Variants in WRNIP1 observed in about 807,000 individuals in gnomAD.
WRNIP1 encodes WRN helicase interacting protein 1, also known as ATPase WRNIP1.
A neutral mutation model predicts 56.1 loss-of-function variants in WRNIP1; 41 were observed. That is an observed-to-expected ratio of 0.73 (90% confidence interval 0.57 to 0.95). The LOEUF is 0.95. WRNIP1 is among the 40% of genes least tolerant of loss of function. The pLI, the probability that WRNIP1 is intolerant of heterozygous loss-of-function variation, is 0.00. For synonymous variants in WRNIP1, 547 were observed against 398.1 expected (o/e 1.37, Z -4.45); for missense variants, 1,170 against 939.4 (o/e 1.25, Z -3.21).
At chr6:2,769,324 A>G (rs1329648094) in intron 2 of WRNIP1, among the ~76,000 whole-genome samples, 2 of 152,164 alleles carry the variant, frequency 1.3e-5, no homozygotes, top group Admixed American at 1.3e-4. Flanking sequence ...GAATGTTGGA[A>G]GAGCTAATGA....
chr6:2,774,827 C>T (rs1765395544), intron 3 of WRNIP1, among the ~76,000 whole-genome samples: 1 of 152,216 alleles, frequency 6.6e-6, no homozygotes, highest in African/African-American at 2.4e-5. Flanking sequence ...GTTATGGAAG[C>T]GGCAGCATCT....
At chr6:2,775,566 T>C (rs963420603) in intron 3 of WRNIP1, among the ~76,000 whole-genome samples, 1 of 152,216 alleles carries the variant, frequency 6.6e-6, no homozygotes, top group African/African-American at 2.4e-5. Flanking sequence ...AACAGGTACA[T>C]TTTTACTTAC....
At chr6:2,777,447 A>G (rs190203689) in intron 3 of WRNIP1, among the ~76,000 whole-genome samples, 5 of 152,210 alleles carry the variant, frequency 3.3e-5, no homozygotes, top group East Asian at 1.9e-4. Flanking sequence ...TCTTCCCTCA[A>G]TTGTCCTGAA....
At position 2,766,356 on chromosome 6, in the gene WRNIP1, C is replaced by T. The variant is rs1359709967; in HGVS notation, c.734C>T (p.Ala245Val). The change falls in exon 1 of 7, where the codon GCC (alanine) becomes GTC (valine). Residue 245 changes from alanine to valine, a missense_variant. By Grantham distance (64) the Ala-to-Val change is moderately conservative. Coordinates refer to ENST00000380773, the MANE Select transcript of WRNIP1 (RefSeq NM_020135.3). The part of the protein sequence containing the change: ...TLQDYFGQSK[A>V]VGQDTLLRSL... ...CAGGATTACTTCGGGCAGAGCAAGG[C>T]CGTGGGCCAGGATACCCTGCTGCGC... The T allele has an allele frequency of 3.1e-6, 5 of 1,610,244 alleles. No homozygotes were observed. Among genetic ancestry groups the T allele is most frequent in the Non-Finnish European group, 3.4e-6 (4 of 1,178,846 alleles).
At chr6:2,780,352 G>A (rs1561915596) in intron 4 of WRNIP1, among the ~76,000 whole-genome samples, 1 of 152,220 alleles carries the variant, frequency 6.6e-6, no homozygotes, top group Non-Finnish European at 1.5e-5. Flanking sequence ...GAGAAGGGGT[G>A]GAGGGGCTTA....
chr6:2,784,389 A>T lies in WRNIP1; in HGVS notation c.1708A>T (p.Met570Leu). ...CTACCAAGGCTGTCATTTTATAGGC[A>T]TGCCTGAATGTGAGGTAAAGTAATC... The part of the protein sequence containing the change: ...AAYQGCHFIG[M>L]PECEVLLAQC... The change falls in exon 6 of 7, where the codon ATG becomes TTG. Residue 570 changes from methionine to leucine, a missense_variant. Physicochemically the swap from Met to Leu is conservative, Grantham distance 15. Transcript: ENST00000380773. 1 of 1,614,110 alleles carries T rather than the reference A, an allele frequency of 6.2e-7. No individual in the cohort carries two copies. Among genetic ancestry groups the T allele is most frequent in the Non-Finnish European group, 8.5e-7 (1 of 1,179,942 alleles).
intron 4 of WRNIP1, among the ~76,000 whole-genome samples, chr6:2,781,925 T>C (rs1269018373): frequency 6.6e-6 from 1 of 152,232 alleles, no homozygotes; most frequent in African/African-American, 2.4e-5. Context: ...GCCCATGAGC[T>C]TGGGGGTCCA....
chr6:2,765,706 C>G lies in WRNIP1; in HGVS notation c.84C>G (p.Pro28=), dbSNP rs953987824. The G allele has an allele frequency of 6.5e-7, 1 of 1,546,352 alleles. No homozygotes were observed. Among genetic ancestry groups the G allele is most frequent in the Admixed American group, 1.8e-5 (1 of 55,170 alleles). The change falls in exon 1 of 7, where the codon CCC becomes CCG. Residue 28 remains proline, a synonymous_variant. Transcript: ENST00000380773. ...GCCCCGTGTGCCAGCAGATGATGCC[C>G]GCCGCGCACATCAACTCGCACCTGG... ...VQCPVCQQMM[P]AAHINSHLDR... is the part of the protein sequence containing the mutation.
At chr6:2,777,746 C>G (rs160696) in intron 3 of WRNIP1, among the ~76,000 whole-genome samples, 3 of 151,914 alleles carry the variant, frequency 2.0e-5, no homozygotes, top group Non-Finnish European at 4.4e-5. Flanking sequence ...TCTGGTTGAG[C>G]AGTGATCCCC....
At chr6:2,779,041 C>T (rs1187364466) in intron 3 of WRNIP1, among the ~76,000 whole-genome samples, 2 of 152,112 alleles carry the variant, frequency 1.3e-5, no homozygotes, top group East Asian at 3.8e-4. Context: ...AGTGAGATAC[C>T]CTCGACACTC....
At position 2,774,328 on chromosome 6, in the gene WRNIP1, C is replaced by G. The variant is rs77891282; in HGVS notation, c.1256+3967C>G. ...AAACTGGGTGGCTCAGAACACAGAG[C>G]TTTATCCTCACAGTTCTGAAAGCCA... On this transcript the variant is annotated intron_variant, in intron 3 of 6. Coordinates refer to ENST00000380773, the MANE Select transcript of WRNIP1 (RefSeq NM_020135.3). 9.2e-4 allele frequency: 885 copies of G among 961,162 alleles called. 7 individuals are homozygous for G. In the Admixed American group the frequency reaches 0.035, roughly 37 times the overall value. The allele number at this position is 961,162 out of a possible 1,614,324, so 59.5% of individuals were successfully genotyped here.
intron 3 of WRNIP1, among the ~76,000 whole-genome samples, chr6:2,777,650 T>C (rs1441276616): frequency 6.6e-6 from 1 of 152,220 alleles, no homozygotes; most frequent in African/African-American, 2.4e-5. Context: ...CCTGTGATGC[T>C]GGTCCTTCCC....
Position 2,768,718 on chromosome 6 carries a change from A to AACAG in WRNIP1, c.851_854dup (p.Ser285ArgfsTer6). ...CACTCTGGCTCACATCATAGCCAGCAACAGCAAGAAACATAGCATAAGGTT... is the reference window on the plus strand; with the variant it reads ...CACTCTGGCTCACATCATAGCCAGCAACAGACAGCAAGAAACATAGCATAAGGTT... On this transcript the variant is annotated frameshift_variant, in exon 2 of 7. Coordinates refer to ENST00000380773, the MANE Select transcript of WRNIP1 (RefSeq NM_020135.3). LOFTEE classifies it high-confidence loss of function. The AACAG allele has an allele frequency of 6.2e-7, 1 of 1,612,286 alleles. No individual in the cohort carries two copies. The highest frequency in any genetic ancestry group is 8.5e-7 in the Non-Finnish European group (1 of 1,178,980).
intron 1 of WRNIP1, among the ~76,000 whole-genome samples, chr6:2,767,054 A>G (rs1765046279): frequency 6.6e-6 from 1 of 152,194 alleles, no homozygotes; most frequent in Admixed American, 6.5e-5. Context: ...TCTGCAAGTC[A>G]TTTTCATCCG....
chr6:2,766,715 G>A (rs1317328), intron 1 of WRNIP1, among the ~76,000 whole-genome samples: 4 of 152,316 alleles, frequency 2.6e-5, no homozygotes, highest in Admixed American at 2.0e-4. Context: ...ACAAGATGTG[G>A]ACTCTTAGAT....
intron 3 of WRNIP1, among the ~76,000 whole-genome samples, chr6:2,778,593 T>C (rs1765485531): frequency 6.6e-6 from 1 of 152,224 alleles, no homozygotes; most frequent in Non-Finnish European, 1.5e-5. Flanking sequence ...CCCAGGCTAA[T>C]GACCTCTCTG....
chr6:2,766,533 A>C, intron 1 of WRNIP1, 89 bp downstream of exon 1: 1 of 1,412,500 alleles, frequency 7.1e-7, no homozygotes, highest in Non-Finnish European at 9.3e-7. Context: ...CTGCCCTCGA[A>C]AGAAGCCGCC....
rs1582158280 is a variant in WRNIP1 at position 2,765,607 on chromosome 6, G to A, written c.-16G>A. The A allele has an allele frequency of 6.7e-7, 1 of 1,502,522 alleles. No homozygotes were observed. Among genetic ancestry groups the A allele is most frequent in the Admixed American group, 2.1e-5 (1 of 47,966 alleles). The allele number at this position is 1,502,522 out of a possible 1,614,324, so 93.1% of individuals were successfully genotyped here. On this transcript the variant is annotated 5_prime_UTR_variant, in exon 1 of 7. Coordinates refer to ENST00000380773, the MANE Select transcript of WRNIP1 (RefSeq NM_020135.3). ...TGCTGCGGCCGCGCCGGGCGCCGGG[G>A]AGGGCGGCGGCCGCCATGGAGGTGA...
intron 4 of WRNIP1, among the ~76,000 whole-genome samples, chr6:2,779,981 A>T (rs2113478173): frequency 6.6e-6 from 1 of 152,326 alleles, no homozygotes; most frequent in South Asian, 2.1e-4. Flanking sequence ...TTTATGTAGT[A>T]GCTTTTTCAA....
Sources: allele counts gnomAD v4.1 joint callset (sites outside exome capture counted in the v4.1 genomes callset), GRCh38; gene constraint gnomAD v4.1.1; transcripts MANE v1.5; gene names NCBI Gene and HGNC (gene_info 2026-07-23, HGNC 2026-07-21).